Variants in LPCAT2 observed in about 807,000 individuals in gnomAD.
LPCAT2 encodes 1-AGP acyltransferase 11.
LPCAT2 carries 58 observed loss-of-function variants against 64.7 expected under a neutral mutation model. The ratio of observed to expected loss-of-function variants is 0.90; its 90% CI spans 0.73 to 1.12. The LOEUF (loss-of-function observed/expected upper bound fraction) is 1.12. Among genes scored for constraint, LPCAT2 ranks in the 50% most tolerant of loss-of-function variants. The pLI is 0.00. For missense variants in LPCAT2, 579 were observed against 669.8 expected (o/e 0.86, Z 1.50); for synonymous variants, 252 against 245.3 (o/e 1.03, Z -0.26).
chr16:55,522,219 A>T (rs1194318936), intron 1 of LPCAT2, among the ~76,000 whole-genome samples: 1 of 151,740 alleles, frequency 6.6e-6, no homozygotes, highest in African/African-American at 2.4e-5. Context: ...CAATTGCAAA[A>T]TGAAATCAAG....
chr16:55,568,739 C>A (rs1475459359), intron 11 of LPCAT2, among the ~76,000 whole-genome samples: 3 of 152,136 alleles, frequency 2.0e-5, no homozygotes, highest in Non-Finnish European at 2.9e-5. Flanking sequence ...TAAGGCCATG[C>A]AGGAGAGTCA....
At chr16:55,519,369 C>T (rs1298794789) in intron 1 of LPCAT2, among the ~76,000 whole-genome samples, 3 of 151,136 alleles carry the variant, frequency 2.0e-5, no homozygotes, top group East Asian at 1.9e-4. Context: ...ATTAGCCGGG[C>T]GTGGTGGCGG....
At position 55,528,389 on chromosome 16, in the gene LPCAT2, A is replaced by C. The variant is rs1963202410; in HGVS notation, c.324A>C (p.Gln108His). Residue 108 changes from glutamine to histidine, a missense_variant, in exon 3 of 14, where the codon CAA becomes CAC. Physicochemically the swap from Gln to His is conservative, Grantham distance 24. Transcript: ENST00000262134. ...TATATTTTCAAAGGAAAATTACTCAAACAGCTTTGAAATTTCTGGGTCGTG... is the reference window on the plus strand; with the variant it reads ...TATATTTTCAAAGGAAAATTACTCACACAGCTTTGAAATTTCTGGGTCGTG... ...PITGWRRKIT[Q>H]TALKFLGRAM... is the part of the protein sequence containing the mutation. The C allele has an allele frequency of 1.2e-6, 2 of 1,613,096 alleles. No individual in the cohort carries two copies. The highest frequency in any genetic ancestry group is 2.7e-5 in the African/African-American group (2 of 74,874).
chr16:55,523,934 T>A (rs1411681234), intron 1 of LPCAT2, among the ~76,000 whole-genome samples: 4 of 151,894 alleles, frequency 2.6e-5, no homozygotes, highest in Non-Finnish European at 5.9e-5. Context: ...AAGTTTTTTT[T>A]AAGTCTACCA....
At position 55,576,916 on chromosome 16, in the gene LPCAT2, G is replaced by A. The variant is rs577715164; in HGVS notation, c.1314+2187G>A. ...GTCTTTAGTATGGACCATGTAAAAG[G>A]AGCTTATACAGAAGTGAGAGACACC... is the stretch of plus-strand genomic sequence containing the variant. On this transcript the variant is annotated intron_variant, in intron 12 of 13. Coordinates refer to ENST00000262134, the MANE Select transcript of LPCAT2 (RefSeq NM_017839.5). 1.4e-3 allele frequency among the ~76,000 whole-genome samples: 209 copies of A among 152,220 alleles called. 1 individual carries two copies. The highest frequency in any genetic ancestry group is 4.6e-3 in the African/African-American group (193 of 41,542).
rs1189198732 is a variant in LPCAT2 at position 55,585,408 on chromosome 16, G to C, written c.*2310G>C. The C allele has an allele frequency of 6.6e-6, 1 of 152,154 alleles. No homozygotes were observed. The highest frequency in any genetic ancestry group is 1.5e-5 in the Non-Finnish European group (1 of 68,022). The allele number at this position is 152,154 out of a possible 1,614,324, so 9.4% of individuals were successfully genotyped here. On this transcript the variant is annotated 3_prime_UTR_variant, in exon 14 of 14. Transcript: ENST00000262134. Reference sequence around the variant, plus strand: ...TTTTATATAGTAACACACAAGTCGTGATCATCAATATTATTGCAGACCAGG... The same window carrying C: ...TTTTATATAGTAACACACAAGTCGTCATCATCAATATTATTGCAGACCAGG...
chr16:55,566,485 T>C (rs1275228777), intron 11 of LPCAT2, among the ~76,000 whole-genome samples: 1 of 152,150 alleles, frequency 6.6e-6, no homozygotes, highest in African/African-American at 2.4e-5. Flanking sequence ...TTTAAAACTA[T>C]TATCCTAAGG....
At chr16:55,546,836 G>A (rs1256680278) in intron 9 of LPCAT2, among the ~76,000 whole-genome samples, 3 of 152,054 alleles carry the variant, frequency 2.0e-5, no homozygotes, top group Non-Finnish European at 4.4e-5. Flanking sequence ...AAGGTAGAAA[G>A]CAAGATAATT....
chr16:55,525,221 C>A (rs1466835429), intron 1 of LPCAT2, among the ~76,000 whole-genome samples: 1 of 152,126 alleles, frequency 6.6e-6, no homozygotes, highest in African/African-American at 2.4e-5. Context: ...TCATATACAC[C>A]TTTTCTTTGT....
chr16:55,525,506 A>G lies in LPCAT2; in HGVS notation c.172-2A>G. On this transcript the variant is annotated splice_acceptor_variant, in intron 1 of 13. Coordinates refer to ENST00000262134, the MANE Select transcript of LPCAT2 (RefSeq NM_017839.5). LOFTEE classifies it high-confidence loss of function. ...TTTATTTTTACCAACTTTGACTTTC[A>G]GATTGTCCTTCTTGGGATTATCTTG... 1.9e-6 allele frequency: 3 copies of G among 1,601,478 alleles called. No homozygotes were observed. The highest frequency in any genetic ancestry group is 2.6e-6 in the Non-Finnish European group (3 of 1,175,306).
intron 12 of LPCAT2, among the ~76,000 whole-genome samples, chr16:55,577,161 C>T (rs1474160346): frequency 1.3e-5 from 2 of 152,168 alleles, no homozygotes; most frequent in Admixed American, 6.5e-5. Flanking sequence ...ATTGTATCCC[C>T]TAACTAGGCA....
intron 1 of LPCAT2, among the ~76,000 whole-genome samples, chr16:55,509,841 G>A (rs1184069610): frequency 2.0e-5 from 3 of 152,116 alleles, no homozygotes; most frequent in Non-Finnish European, 2.9e-5. Context: ...ATCCAAAACA[G>A]GAAGAGACTG....
In LPCAT2 at chr16:55,579,126, G is replaced by T; in HGVS notation, c.1332G>T (p.Glu444Asp). The change falls in exon 13 of 14, where the codon GAG becomes GAT. Residue 444 changes from glutamate (E) to aspartate (D), a missense_variant. By Grantham distance (45) the Glu-to-Asp change is conservative. Transcript: ENST00000262134. ...TTCTTCAGCTGTTTGACGTTGATGA[G>T]GATGGCTACATAACGGAGGAAGAGT... ...QVAFKLFDVD[E>D]DGYITEEEFS... 1 of 1,613,084 alleles carries T rather than the reference G, an allele frequency of 6.2e-7. No individual in the cohort carries two copies. Among genetic ancestry groups the T allele is most frequent in the Non-Finnish European group, 8.5e-7 (1 of 1,179,440 alleles).
chr16:55,519,702 A>G (rs1010134237), intron 1 of LPCAT2, among the ~76,000 whole-genome samples: 6 of 152,158 alleles, frequency 3.9e-5, no homozygotes, highest in African/African-American at 1.4e-4. Flanking sequence ...ACCATTTAAT[A>G]CAAAAATTAT....
chr16:55,512,522 A>G (rs1292241464), intron 1 of LPCAT2, among the ~76,000 whole-genome samples: 1 of 152,120 alleles, frequency 6.6e-6, no homozygotes, highest in Non-Finnish European at 1.5e-5. Flanking sequence ...ATGATATATC[A>G]GAGCACAAAG....
intron 11 of LPCAT2, among the ~76,000 whole-genome samples, chr16:55,560,738 T>C (rs1963626787): frequency 6.6e-6 from 1 of 152,058 alleles, no homozygotes; most frequent in Non-Finnish European, 1.5e-5. Flanking sequence ...AGCTGGTTAA[T>C]TGCAGGACTG....
chr16:55,541,827 G>C, intron 8 of LPCAT2: 1 of 1,280,944 alleles, frequency 7.8e-7, no homozygotes, highest in South Asian at 1.3e-5. Context: ...TTTACTTTCT[G>C]TCTCATCTAG....
rs144634096 is a variant in LPCAT2, at chr16:55,562,481, C to T, written c.1215+11379C>T. On this transcript the variant is annotated intron_variant, in intron 11 of 13. Transcript: ENST00000262134. ...GCTTAACTTTTCTGAATTTTTCTTA[C>T]CTTATCTAAAATACATTTGTATCTT... is the stretch of plus-strand genomic sequence containing the variant. Among the ~76,000 whole-genome samples the T allele has an allele frequency of 2.2e-3, 334 of 151,922 alleles. 1 individual carries two copies. Among genetic ancestry groups the T allele is most frequent in the African/African-American group, 7.9e-3 (326 of 41,522 alleles).
intron 10 of LPCAT2, 23 bp downstream of exon 10, chr16:55,549,425 A>G (rs1963490568): frequency 2.5e-5 from 40 of 1,570,930 alleles, no homozygotes; most frequent in Non-Finnish European, 3.4e-5. Context: ...TAAAATGACT[A>G]CACTTTCATA....
Sources: gnomAD v4.1 joint callset for allele counts (sites outside exome capture counted in the v4.1 genomes callset) on GRCh38, gnomAD v4.1.1 for gene constraint, MANE v1.5 for transcripts, NCBI Gene and HGNC (gene_info 2026-07-23, HGNC 2026-07-21) for gene names.